The following TCF20 variants were observed in gnomAD, a reference collection of about 807,000 sequenced individuals.
TCF20 encodes the protein SPRE-binding protein.
TCF20 carries 3 observed loss-of-function variants against 148.6 expected under a neutral mutation model. The ratio of observed to expected loss-of-function variants is 0.02; its 90% CI spans 0.01 to 0.05. The LOEUF is 0.05. TCF20 is among the 10% of genes least tolerant of loss of function. The pLI is 1.00. For missense variants in TCF20, 2,350 were observed against 2,429.3 expected (o/e 0.97, Z 0.69); for synonymous variants, 1,049 against 909.5 (o/e 1.15, Z -2.76).
In TCF20 at chr22:42,187,993, T is replaced by TA. The variant is rs1247741752; in HGVS notation, c.5656-8292dup. Reference sequence around the variant, plus strand: ...ACCTCTTTTTATGCCATTGTTGCTTTAAAAAATCCAGATTCTCAGGCCGGG... The same window carrying TA: ...ACCTCTTTTTATGCCATTGTTGCTTTAAAAAAATCCAGATTCTCAGGCCGGG... On this transcript the variant is annotated intron_variant, in intron 2 of 5. Coordinates refer to ENST00000677622, the MANE Select transcript of TCF20 (RefSeq NM_001378418.1). Among the ~76,000 whole-genome samples the TA allele has an allele frequency of 5.9e-5, 9 of 152,182 alleles. No individual in the cohort carries two copies. In the East Asian group the frequency reaches 1.7e-3, roughly 29 times the overall value.
intron 1 of TCF20, among the ~76,000 whole-genome samples, chr22:42,256,220 T>C (rs773841528): frequency 1.3e-5 from 2 of 152,188 alleles, no homozygotes; most frequent in Admixed American, 6.5e-5. Flanking sequence ...ATTCATACGT[T>C]TGATAAATGT....
At chr22:42,207,899 A>G (rs1183526142) in intron 2 of TCF20, among the ~76,000 whole-genome samples, 1 of 151,962 alleles carries the variant, frequency 6.6e-6, no homozygotes, top group Non-Finnish European at 1.5e-5. Context: ...TTTAAAAATT[A>G]TAGTACAGGC....
intron 3 of TCF20, among the ~76,000 whole-genome samples, chr22:42,173,763 A>G (rs1936276984): frequency 6.6e-6 from 1 of 152,180 alleles, no homozygotes; most frequent in East Asian, 1.9e-4. Flanking sequence ...AATGACCAAG[A>G]CATGGTCATC....
At chr22:42,204,515 C>A (rs1220067752) in intron 2 of TCF20, among the ~76,000 whole-genome samples, 2 of 148,860 alleles carry the variant, frequency 1.3e-5, no homozygotes, top group Non-Finnish European at 3.0e-5. Context: ...GGAAAAAAAA[C>A]CCTAAATATA....
At chr22:42,196,264 T>A (rs1937597825) in intron 2 of TCF20, among the ~76,000 whole-genome samples, 1 of 152,210 alleles carries the variant, frequency 6.6e-6, no homozygotes, top group Admixed American at 6.5e-5. Context: ...TGGGCAGCAC[T>A]TGCTGCCTGG....
chr22:42,215,237 G>A lies in TCF20; in HGVS notation c.69C>T (p.Gly23=). 6.2e-7 allele frequency: 1 copy of A among 1,614,210 alleles called. No individual in the cohort carries two copies. Among genetic ancestry groups the A allele is most frequent in the Non-Finnish European group, 8.5e-7 (1 of 1,180,040 alleles). ...NQQSYPQEVH[G]SSRLEEFSPR... is the part of the protein sequence containing the mutation. The stretch of plus-strand genomic sequence containing the variant: ...GGCTGAACTCTTCTAGCCGGGATGA[G>A]CCGTGTACCTCCTGTGGGTAGCTTT... Residue 23 remains glycine, a synonymous_variant, in exon 2 of 6, where the codon GGC becomes GGT. Coordinates refer to ENST00000677622, the MANE Select transcript of TCF20 (RefSeq NM_001378418.1).
At chr22:42,163,458 C>A (rs906510153) in intron 5 of TCF20, among the ~76,000 whole-genome samples, 1 of 152,216 alleles carries the variant, frequency 6.6e-6, no homozygotes, top group African/African-American at 2.4e-5. Context: ...GTTGTTCCTT[C>A]AGTAGGGAAA....
At chr22:42,323,351 A>G (rs1291480883) in intron 1 of TCF20, among the ~76,000 whole-genome samples, 1 of 151,810 alleles carries the variant, frequency 6.6e-6, no homozygotes, top group African/African-American at 2.4e-5. Flanking sequence ...AGCCAGGGCC[A>G]GCATGGAGGG....
At chr22:42,334,198 T>C (rs1928026205) in intron 1 of TCF20, among the ~76,000 whole-genome samples, 1 of 152,100 alleles carries the variant, frequency 6.6e-6, no homozygotes, top group Admixed American at 6.5e-5. Context: ...CACCAACAAT[T>C]TGTAGGCTCA....
chr22:42,250,067 T>C (rs573998455), intron 1 of TCF20, among the ~76,000 whole-genome samples: 108 of 152,186 alleles, frequency 7.1e-4, no homozygotes, highest in Non-Finnish European at 1.3e-3. Flanking sequence ...GAGGCTGAAG[T>C]GCACTATGAT....
chr22:42,237,193 C>T (rs1450944566), intron 1 of TCF20, among the ~76,000 whole-genome samples: 1 of 152,190 alleles, frequency 6.6e-6, no homozygotes, highest in Non-Finnish European at 1.5e-5. Flanking sequence ...TTCAACCCCG[C>T]CACTGCTTAA....
At chr22:42,179,813 G>C in intron 2 of TCF20, 111 bp from the exon 3 acceptor site, 1 of 721,216 alleles carries the variant, frequency 1.4e-6, no homozygotes, top group East Asian at 2.5e-5. Context: ...TGTGGTTAGA[G>C]GAGTCCGTGG....
chr22:42,192,491 C>T (rs1937384252), intron 2 of TCF20, among the ~76,000 whole-genome samples: 1 of 152,164 alleles, frequency 6.6e-6, no homozygotes, highest in Non-Finnish European at 1.5e-5. Flanking sequence ...GCAAAGCCAC[C>T]CTATTCCTGG....
upstream of TCF20, among the ~76,000 whole-genome samples, chr22:42,270,727 C>CGGCGG (rs1371664115): frequency 5.4e-5 from 7 of 130,100 alleles, no homozygotes; most frequent in Non-Finnish European, 1.2e-4. Context: ...GGAGGGCGCG[C>CGGCGG]GGCGGGGCGG....
In TCF20 at chr22:42,211,397, A is replaced by G; in HGVS notation, c.3909T>C (p.Ser1303=). ...GGATAGACTTGATATCCTGACTGTG[A>G]GAAAGATGGGCATAGGAATTGAATG... ...DKAFNSYAHL[S]HSQDIKSIPK... The change falls in exon 2 of 6, where the codon TCT becomes TCC. Residue 1303 remains serine (S), a synonymous_variant. Coordinates refer to ENST00000677622, the MANE Select transcript of TCF20 (RefSeq NM_001378418.1). The G allele has an allele frequency of 6.2e-7, 1 of 1,614,198 alleles. No homozygotes were observed. The highest frequency in any genetic ancestry group is 8.5e-7 in the Non-Finnish European group (1 of 1,180,042).
At chr22:42,180,217 A>C (rs1936703924) in intron 2 of TCF20, among the ~76,000 whole-genome samples, 1 of 152,016 alleles carries the variant, frequency 6.6e-6, no homozygotes, top group South Asian at 2.1e-4. Context: ...TTTATTTTTG[A>C]TCTACTTACC....
rs1569154587 is a variant in TCF20, at chr22:42,214,991, C to T, written c.315G>A (p.Gln105=). The stretch of plus-strand genomic sequence containing the variant: ...GCCCAGAAGGCCTTCGCTGAGGAGG[C>T]TGTGGGGTTCCTGTAGTCACGGGGT... ...NKDPVTTGTP[Q]PPQRRPSGPV... Residue 105 remains glutamine, a synonymous_variant, in exon 2 of 6, where the codon CAG becomes CAA. Coordinates refer to ENST00000677622, the MANE Select transcript of TCF20 (RefSeq NM_001378418.1). 1 of 1,614,222 alleles carries T rather than the reference C, an allele frequency of 6.2e-7. No homozygotes were observed. Among genetic ancestry groups the T allele is most frequent in the South Asian group, 1.1e-5 (1 of 91,090 alleles).
Position 42,265,303 on chromosome 22 carries a change from A to G in TCF20, c.-37+5036T>C, listed in dbSNP as rs899628320. 3.3e-5 allele frequency among the ~76,000 whole-genome samples: 5 copies of G among 152,284 alleles called. No individual in the cohort carries two copies. The East Asian group carries it at 9.6e-4, about 29-fold the overall frequency. On this transcript the variant is annotated intron_variant, in intron 1 of 5. Transcript: ENST00000677622. ...ACTATAAATACCTTGATTTCAGTAT[A>G]CTGTATTCTTTTTCTTCTTTTTTTG... is the stretch of plus-strand genomic sequence containing the variant.
intron 2 of TCF20, among the ~76,000 whole-genome samples, chr22:42,195,598 C>A (rs1260601623): frequency 6.6e-6 from 1 of 151,298 alleles, no homozygotes; most frequent in Non-Finnish European, 1.5e-5. Context: ...CCTCCCGGTT[C>A]AAGCGATTCT....
Sources: allele counts gnomAD v4.1 joint callset (sites outside exome capture counted in the v4.1 genomes callset), GRCh38; gene constraint gnomAD v4.1.1; transcripts MANE v1.5; gene names NCBI Gene and HGNC (gene_info 2026-07-23, HGNC 2026-07-21).